Variants in FAM163A observed in about 807,000 individuals in gnomAD.
FAM163A encodes the protein protein FAM163A.
FAM163A carries 7 observed loss-of-function variants against 12.0 expected under a neutral mutation model. That is an observed-to-expected ratio of 0.58 (90% CI 0.33 to 1.10). The LOEUF (loss-of-function observed/expected upper bound fraction) is 1.10. FAM163A is among the 50% of genes least tolerant of loss of function. The pLI is 0.03. For missense variants in FAM163A, 202 were observed against 218.6 expected (o/e 0.92, Z 0.48); for synonymous variants, 101 against 91.0 (o/e 1.11, Z -0.62).
chr1:179,800,621 G>T (rs61826277), intron 1 of FAM163A, among the ~76,000 whole-genome samples: 2 of 152,190 alleles, frequency 1.3e-5, no homozygotes, highest in East Asian at 3.8e-4. Context: ...TTCTCTCCGC[G>T]TCCCCTCCTG....
At chr1:179,800,831 G>T (rs775915205) in intron 1 of FAM163A, among the ~76,000 whole-genome samples, 2 of 152,226 alleles carry the variant, frequency 1.3e-5, no homozygotes, top group Non-Finnish European at 2.9e-5. Flanking sequence ...TGAGGTTCAT[G>T]TTCTGTTCTG....
intron 1 of FAM163A, among the ~76,000 whole-genome samples, chr1:179,747,456 A>G (rs1414782825): frequency 6.6e-6 from 1 of 152,244 alleles, no homozygotes; most frequent in Non-Finnish European, 1.5e-5. Flanking sequence ...GTTGAATAGC[A>G]GAAACAATGG....
At chr1:179,749,379 G>T (rs1037800037) in intron 1 of FAM163A, among the ~76,000 whole-genome samples, 1 of 152,154 alleles carries the variant, frequency 6.6e-6, no homozygotes, top group Non-Finnish European at 1.5e-5. Flanking sequence ...AATAATGGTG[G>T]CTATAATGAA....
intron 1 of FAM163A, among the ~76,000 whole-genome samples, chr1:179,776,792 C>G (rs1221647395): frequency 6.6e-6 from 1 of 152,180 alleles, no homozygotes; most frequent in African/African-American, 2.4e-5. Context: ...TCAAAGTGTT[C>G]AGTTCAATGG....
chr1:179,813,930 A>G lies in FAM163A; in HGVS notation c.245A>G (p.Glu82Gly), dbSNP rs1386753060. The G allele has an allele frequency of 3.7e-6, 6 of 1,613,724 alleles. No homozygotes were observed. In the East Asian group the frequency reaches 8.9e-5, roughly 24 times the overall value. Residue 82 changes from glutamate (E) to glycine (G), a missense_variant, in exon 5 of 5, where the codon GAG (glutamate) becomes GGG (glycine). Transcript: ENST00000341785. ...GRGSLAPLTS[E>G]PCSQPCGVAA... ...GGCAGCCTGGCGCCTCTCACCAGCG[A>G]GCCCTGCAGCCAGCCCTGTGGGGTG...
At chr1:179,800,842 A>G (rs562821814) in intron 1 of FAM163A, among the ~76,000 whole-genome samples, 120 of 152,322 alleles carry the variant, frequency 7.9e-4, no homozygotes, top group African/African-American at 2.8e-3. Context: ...TTCTGTTCTG[A>G]GCAGCCCATC....
At chr1:179,757,322 A>G (rs1311043952) in intron 1 of FAM163A, among the ~76,000 whole-genome samples, 3 of 152,224 alleles carry the variant, frequency 2.0e-5, no homozygotes, top group South Asian at 2.1e-4. Flanking sequence ...AGAAGAAAGC[A>G]GGATTAGATT....
rs986873070 is a variant in FAM163A at position 179,814,562 on chromosome 1, C to T, written c.*373C>T. On this transcript the variant is annotated 3_prime_UTR_variant, in exon 5 of 5. Coordinates refer to ENST00000341785, the MANE Select transcript of FAM163A (RefSeq NM_173509.3). The stretch of plus-strand genomic sequence containing the variant: ...AAAGCTCAGCAAAGGCTCAGGAGGC[C>T]TCCCGGGTCCTCGGGAGATGAAGCA... 7 of 184,564 alleles carry T rather than the reference C, an allele frequency of 3.8e-5. No homozygotes were observed. Among genetic ancestry groups the T allele is most frequent in the Non-Finnish European group, 7.8e-5 (7 of 89,266 alleles). The allele number at this position is 184,564 out of a possible 1,614,324, so 11.4% of individuals were successfully genotyped here.
Position 179,766,744 on chromosome 1 carries a change from C to G in FAM163A, c.-136+23321C>G, listed in dbSNP as rs190803459. 8.2e-3 allele frequency among the ~76,000 whole-genome samples: 1,222 copies of G among 148,628 alleles called. 19 individuals carry two copies. The highest frequency in any genetic ancestry group is 0.029 in the African/African-American group (1,173 of 41,092). On this transcript the variant is annotated intron_variant, in intron 1 of 4. Coordinates refer to ENST00000341785, the MANE Select transcript of FAM163A (RefSeq NM_173509.3). ...TTGAGATGCACTTCACTCCTTTTTACTTTTCTTTCTTTTTTTTTTTTCGGT... is the reference window on the plus strand; with the variant it reads ...TTGAGATGCACTTCACTCCTTTTTAGTTTTCTTTCTTTTTTTTTTTTCGGT...
intron 1 of FAM163A, among the ~76,000 whole-genome samples, chr1:179,807,502 G>A (rs1251129243): frequency 6.6e-6 from 1 of 152,188 alleles, no homozygotes; most frequent in African/African-American, 2.4e-5. Flanking sequence ...CCCACTCGCC[G>A]TCACCTCCCA....
intron 3 of FAM163A, 36 bp from the exon 4 acceptor site, chr1:179,813,040 C>T (rs988666648): frequency 1.3e-6 from 2 of 1,539,176 alleles, no homozygotes; most frequent in African/African-American, 1.4e-5. Context: ...GGGCTGCAGC[C>T]ACAGCTGGTC....
rs76682080 is a variant in FAM163A at position 179,800,388 on chromosome 1, C to T, written c.-135-7410C>T. Among the ~76,000 whole-genome samples the T allele has an allele frequency of 6.4e-3, 971 of 152,358 alleles. 16 individuals are homozygous for T. The highest frequency in any genetic ancestry group is 0.022 in the African/African-American group (934 of 41,584). On this transcript the variant is annotated intron_variant, in intron 1 of 4. Transcript: ENST00000341785. ...GATGTAGGCAGCACCTCTGAGACAG[C>T]CCTTGGCTGGGAGGAGCAGAGCACC...
rs918937110 is a variant in FAM163A, at chr1:179,815,740, G to C, written c.*1551G>C. The C allele has an allele frequency of 2.0e-5, 3 of 152,226 alleles. No individual in the cohort carries two copies. The highest frequency in any genetic ancestry group is 6.5e-5 in the Admixed American group (1 of 15,286). 9.4% of individuals were successfully genotyped at this position (152,226 alleles called of 1,614,324 possible). A position where few individuals can be genotyped will look rare whatever the true frequency, so the allele number is the denominator to read the frequency against. On this transcript the variant is annotated 3_prime_UTR_variant, in exon 5 of 5. Transcript: ENST00000341785. Reference sequence around the variant, plus strand: ...TTCGAGGAGGGTGGGGCAGGGAAAGGGCTGGCCCCCCTGCTGAAATCTTGA... The same window carrying C: ...TTCGAGGAGGGTGGGGCAGGGAAAGCGCTGGCCCCCCTGCTGAAATCTTGA...
In FAM163A at chr1:179,814,284, GTTTCTGTTTCTTTGGCT is replaced by G; in HGVS notation, c.*101_*117del. 2 of 1,459,520 alleles carry G rather than the reference GTTTCTGTTTCTTTGGCT, an allele frequency of 1.4e-6. No individual in the cohort carries two copies. Among genetic ancestry groups the G allele is most frequent in the Non-Finnish European group, 1.8e-6 (2 of 1,092,474 alleles). The allele number at this position is 1,459,520 out of a possible 1,614,324, so 90.4% of individuals were successfully genotyped here. ...ACCCTCCAACAGCCCCACATGGGTTGTTTCTGTTTCTTTGGCTTTTCTCGCTCCGCAGTGGAGGGTTT... is the reference window on the plus strand; with the variant it reads ...ACCCTCCAACAGCCCCACATGGGTTGTTTCTCGCTCCGCAGTGGAGGGTTT... On this transcript the variant is annotated 3_prime_UTR_variant, in exon 5 of 5. Coordinates refer to ENST00000341785, the MANE Select transcript of FAM163A (RefSeq NM_173509.3).
chr1:179,748,951 T>G (rs774623925), intron 1 of FAM163A, among the ~76,000 whole-genome samples: 3 of 152,244 alleles, frequency 2.0e-5, no homozygotes, highest in Non-Finnish European at 4.4e-5. Flanking sequence ...TATATCCCCA[T>G]AAAATAGTCA....
chr1:179,798,762 T>A (rs943119896), intron 1 of FAM163A, among the ~76,000 whole-genome samples: 1 of 152,136 alleles, frequency 6.6e-6, no homozygotes, highest in Non-Finnish European at 1.5e-5. Context: ...TCCCCAAGCC[T>A]CCCTGCACGA....
At chr1:179,810,856 A>C (rs1394195554) in intron 2 of FAM163A, among the ~76,000 whole-genome samples, 1 of 152,162 alleles carries the variant, frequency 6.6e-6, no homozygotes, top group African/African-American at 2.4e-5. Flanking sequence ...CAGCCTGGCC[A>C]ACATGGTGAA....
chr1:179,781,578 C>G (rs12040638), intron 1 of FAM163A, among the ~76,000 whole-genome samples: 87,385 of 151,858 alleles, frequency 0.58, 25,577 homozygotes, highest in East Asian at 0.88. Context: ...GTAAATCCTT[C>G]CCTCCAGTGT....
intron 2 of FAM163A, among the ~76,000 whole-genome samples, chr1:179,810,270 G>A (rs1209334729): frequency 6.6e-6 from 1 of 152,160 alleles, no homozygotes; most frequent in Non-Finnish European, 1.5e-5. Flanking sequence ...GCCCAGAAGT[G>A]AGAGAGCTTC....
Sources: gnomAD v4.1 joint callset for allele counts (sites outside exome capture counted in the v4.1 genomes callset) on GRCh38, gnomAD v4.1.1 for gene constraint, MANE v1.5 for transcripts, NCBI Gene and HGNC (gene_info 2026-07-23, HGNC 2026-07-21) for gene names.